Variants in RIF1 observed in about 807,000 individuals in gnomAD.
The protein encoded by RIF1 is telomere-associated protein RIF1.
RIF1 carries 45 observed loss-of-function variants against 247.1 expected under a neutral mutation model. That is an observed-to-expected ratio of 0.18 (90% CI 0.14 to 0.23). The LOEUF is 0.23. Ranked by LOEUF, RIF1 falls within the 10% of genes least tolerant of loss-of-function variation. The probability of loss-of-function intolerance (pLI) is 1.00; values close to 1 mark genes in which losing one functional copy is unlikely to be tolerated. For synonymous variants in RIF1, 1,087 were observed against 978.8 expected, an observed-to-expected ratio of 1.11 and a Z score of -2.06; for missense variants, 2,967 against 2,862.5, an observed-to-expected ratio of 1.04 and a Z score of -0.83.
intron 13 of RIF1, chr2:151,506,918 ATTC>A: frequency 6.3e-7 from 1 of 1,598,234 alleles, no homozygotes; most frequent in East Asian, 2.2e-5. Context: ...CCGAGCTGAA[ATTC>A]TTCTGATTTT....
chr2:151,416,426 T>C, intron 4 of RIF1, 135 bp from the exon 5 acceptor site: 1 of 784,986 alleles, frequency 1.3e-6, no homozygotes, highest in Non-Finnish European at 1.9e-6. Context: ...GGTATCAGCA[T>C]TGGTTCTCTG....
At chr2:151,436,573 TA>T (rs1323705453) in intron 11 of RIF1, among the ~76,000 whole-genome samples, 1 of 151,706 alleles carries the variant, frequency 6.6e-6, no homozygotes, top group Admixed American at 6.6e-5. Context: ...TCAGCAGTTA[TA>T]AAGTGTCTTC....
intron 20 of RIF1, among the ~76,000 whole-genome samples, chr2:151,447,935 T>C (rs1408435484): frequency 6.6e-6 from 1 of 152,242 alleles, no homozygotes; most frequent in Non-Finnish European, 1.5e-5. Flanking sequence ...ACCGTTGTTT[T>C]TCCATGCAGA....
chr2:151,461,025 A>G (rs558215475), intron 26 of RIF1, 113 bp from the exon 27 acceptor site: 165 of 964,838 alleles, frequency 1.7e-4, no homozygotes, highest in Middle Eastern at 1.3e-3. Context: ...AGTATCATCA[A>G]CTTTCATAAT....
chr2:151,423,090 CTT>C (rs776001479), intron 8 of RIF1, 48 bp downstream of exon 8: 6 of 965,676 alleles, frequency 6.2e-6, no homozygotes, highest in African/African-American at 3.3e-5. Context: ...ATGCTGGACT[CTT>C]TATTTTCTTA....
chr2:151,411,288 G>A lies in RIF1; in HGVS notation c.133G>A (p.Val45Ile). Reference protein sequence around the residue: ...SRMTGEEGKEVITEIEKKLPR... With the variant: ...SRMTGEEGKEIITEIEKKLPR... ...TATGACTGGAGAAGAAGGAAAAGAA[G>A]TAATTACAGAAATTGAGAAAAAACT... The change falls in exon 3 of 36, where the codon GTA (valine) becomes ATA (isoleucine). Residue 45 changes from valine to isoleucine, a missense_variant. Physicochemically the swap from Val to Ile is conservative, Grantham distance 29. Around this residue, in one of 7 missense-constraint regions of RIF1, gnomAD observed 269 missense variants for 288.6 expected, o/e 0.93. Transcript: ENST00000444746. 2 of 1,604,258 alleles carry A rather than the reference G, an allele frequency of 1.2e-6. No homozygotes were observed. Among genetic ancestry groups the A allele is most frequent in the Non-Finnish European group, 8.5e-7 (1 of 1,173,904 alleles).
chr2:151,495,776 C>T (rs780095071), intron 10 of RIF1, among the ~76,000 whole-genome samples: 4 of 152,144 alleles, frequency 2.6e-5, no homozygotes, highest in Non-Finnish European at 5.9e-5. Flanking sequence ...GCCAAAACTA[C>T]TATTGGATCA....
Position 151,457,706 on chromosome 2 carries a change from TTC to T in RIF1, c.2653-53_2653-52del, listed in dbSNP as rs1274575203. 6.9e-6 allele frequency: 9 copies of T among 1,306,782 alleles called. No homozygotes were observed. The African/African-American group carries it at 1.3e-4, about 19-fold the overall frequency. The allele number at this position is 1,306,782 out of a possible 1,614,324, so 80.9% of individuals were successfully genotyped here. Reference sequence around the variant, plus strand: ...TTAAAAATTGAAATAGCAACATATATTCTGTGAGTTAATATTTAGTATATGTT... The same window carrying T: ...TTAAAAATTGAAATAGCAACATATATTGTGAGTTAATATTTAGTATATGTT... On this transcript the variant is annotated intron_variant, in intron 23 of 35. Transcript: ENST00000444746.
exon 11 of RIF1, chr2:151,499,468 G>A (rs1027270538): frequency 1.3e-6 from 1 of 753,472 alleles, no homozygotes; most frequent in African/African-American, 1.7e-5. Flanking sequence ...GGGGAACCTG[G>A]TATAAAACTA....
intron 3 of RIF1, among the ~76,000 whole-genome samples, chr2:151,414,350 ATTGTT>A (rs1321528149): frequency 2.6e-5 from 4 of 152,256 alleles, no homozygotes; most frequent in African/African-American, 9.6e-5. Context: ...GGTTTAAAAA[ATTGTT>A]TTATTTTACT....
intron 6 of RIF1, among the ~76,000 whole-genome samples, 168 bp from the exon 7 acceptor site, chr2:151,420,022 G>T (rs1687906380): frequency 6.6e-6 from 1 of 152,130 alleles, no homozygotes; most frequent in Admixed American, 6.5e-5. Context: ...AAGCAATAAT[G>T]TGCAAATTCG....
At chr2:151,440,332 A>G (rs1441232128) in intron 15 of RIF1, among the ~76,000 whole-genome samples, 1 of 152,166 alleles carries the variant, frequency 6.6e-6, no homozygotes, top group Non-Finnish European at 1.5e-5. Context: ...CAACAGCCAC[A>G]AAAGTCTTCA....
chr2:151,413,337 T>G (rs566418233), intron 3 of RIF1, among the ~76,000 whole-genome samples: 1 of 152,314 alleles, frequency 6.6e-6, no homozygotes, highest in East Asian at 1.9e-4. Context: ...GCATACATTT[T>G]GAGTCAAGTT....
chr2:151,513,672 C>T, the RIF1 span: 2 of 1,604,370 alleles, frequency 1.2e-6, no homozygotes, highest in Non-Finnish European at 1.7e-6. Flanking sequence ...ACTTCCAGTT[C>T]CAGGTCTCGC....
chr2:151,473,854 G>T, intron 34 of RIF1, 110 bp from the exon 35 acceptor site: 1 of 685,692 alleles, frequency 1.5e-6, no homozygotes, highest in East Asian at 2.7e-5. Context: ...GTAGAACATA[G>T]GTTCTATGCA....
At chr2:151,527,171 AT>A in the RIF1 span, 1 of 635,738 alleles carries the variant, frequency 1.6e-6, no homozygotes. Context: ...CCCTCACTGC[AT>A]TTTGGACTCC....
intron 29 of RIF1, 119 bp from the exon 30 acceptor site, chr2:151,462,765 G>C (rs2152495522): frequency 2.9e-6 from 2 of 694,042 alleles, no homozygotes; most frequent in South Asian, 2.1e-5. Flanking sequence ...GCCATATATT[G>C]AATGTCAGTG....
chr2:151,531,507 G>A, the RIF1 span, among the ~76,000 whole-genome samples: 2 of 151,868 alleles, frequency 1.3e-5, no homozygotes, highest in Non-Finnish European at 2.9e-5. Context: ...AGTAGAGATG[G>A]GGTTTTGCCA....
intron 31 of RIF1, 75 bp downstream of exon 31, chr2:151,468,221 G>A: frequency 7.5e-7 from 1 of 1,341,436 alleles, no homozygotes; most frequent in Non-Finnish European, 1.0e-6. Context: ...GTCATAAAAT[G>A]AACTATATAT....
Sources: gnomAD v4.1 joint callset for allele counts (sites outside exome capture counted in the v4.1 genomes callset) on GRCh38, gnomAD v4.1.1 for gene constraint, gnomAD v4.1.1 regional missense constraint, MANE v1.5 for transcripts, NCBI Gene and HGNC (gene_info 2026-07-23, HGNC 2026-07-21) for gene names.